COL5A1: variants seen among roughly 807,000 people sequenced by gnomAD.
COL5A1 encodes the protein collagen type V alpha 1 chain.
Under a neutral mutation model 263.7 loss-of-function variants are expected in COL5A1, and 16 were observed. The observed-to-expected ratio is 0.06, with a 90% CI of 0.04 to 0.09. The LOEUF (loss-of-function observed/expected upper bound fraction) is 0.09, where lower values mean the gene tolerates loss of function less well. Ranked by LOEUF, COL5A1 falls within the 10% of genes least tolerant of loss-of-function variation. The probability of loss-of-function intolerance (pLI) is 1.00; values close to 1 mark genes in which losing one functional copy is unlikely to be tolerated. For synonymous variants in COL5A1, 1,012 were observed against 1,004.5 expected (o/e 1.01, Z -0.14); for missense variants, 2,036 against 2,540.5 (o/e 0.80, Z 4.27).
chr9:134,644,947 A>G (rs937558120), intron 1 of COL5A1, among the ~76,000 whole-genome samples: 1 of 152,168 alleles, frequency 6.6e-6, no homozygotes, highest in African/African-American at 2.4e-5. Context: ...AGTTGGCTGG[A>G]AAGACATCCT....
At chr9:134,804,760 G>A (rs755025423) in intron 39 of COL5A1, among the ~76,000 whole-genome samples, 1 of 152,220 alleles carries the variant, frequency 6.6e-6, no homozygotes, top group Non-Finnish European at 1.5e-5. Flanking sequence ...TGATGAGAAG[G>A]CCCCGACCCT....
At chr9:134,723,667 C>T (rs572467850) in intron 4 of COL5A1, among the ~76,000 whole-genome samples, 6 of 152,310 alleles carry the variant, frequency 3.9e-5, no homozygotes, top group East Asian at 1.9e-4. Context: ...ACCGGACGGA[C>T]CCCTGAACCC....
At chr9:134,748,040 C>T (rs925123327) in intron 11 of COL5A1, among the ~76,000 whole-genome samples, 1 of 151,782 alleles carries the variant, frequency 6.6e-6, no homozygotes, top group African/African-American at 2.4e-5. Context: ...CACATGCAGA[C>T]ACATGCACAC....
intron 51 of COL5A1, 129 bp from the exon 52 acceptor site, chr9:134,815,806 G>T: frequency 7.6e-7 from 1 of 1,313,116 alleles, no homozygotes; most frequent in South Asian, 1.2e-5. Context: ...TGACCCCACT[G>T]ACCATGCTCT....
At chr9:134,833,666 CCCT>C (rs1469361438) in intron 64 of COL5A1, among the ~76,000 whole-genome samples, 1 of 152,226 alleles carries the variant, frequency 6.6e-6, no homozygotes, top group African/African-American at 2.4e-5. Context: ...ACAGCCCTGA[CCCT>C]CCCTCAGGCT....
At chr9:134,664,323 T>C (rs770181272) in intron 1 of COL5A1, among the ~76,000 whole-genome samples, 15 of 152,168 alleles carry the variant, frequency 9.9e-5, no homozygotes, top group East Asian at 1.9e-4. Context: ...TTTCCGAGTA[T>C]GACGTAAGCC....
rs7037697 is a variant in COL5A1, at chr9:134,680,576, A to G, written c.110-10336A>G. Among the ~76,000 whole-genome samples the G allele has an allele frequency of 0.017, 2,641 of 152,266 alleles. 74 individuals carry two copies. The highest frequency in any genetic ancestry group is 0.059 in the African/African-American group (2,447 of 41,542). On this transcript the variant is annotated intron_variant, in intron 1 of 65. Transcript: ENST00000371817. This position sits in a 1 kb window ranked among gnomAD's most constrained non-coding sequence, Gnocchi z 5.9. Reference sequence around the variant, plus strand: ...CCAAACTGCTGCTCTCTGCTGTACCATGTCCGGTGAGGTCCTGAAGTGCAA... The same window carrying G: ...CCAAACTGCTGCTCTCTGCTGTACCGTGTCCGGTGAGGTCCTGAAGTGCAA...
Position 134,744,455 on chromosome 9 carries a change from A to ACACT in COL5A1, c.1494+5651_1494+5654dup, listed in dbSNP as rs372496402. Among the ~76,000 whole-genome samples the ACACT allele has an allele frequency of 1.7e-3, 260 of 151,880 alleles. 1 individual carries two copies. In the Middle Eastern group the frequency reaches 0.027, roughly 16 times the overall value. On this transcript the variant is annotated intron_variant, in intron 11 of 65. Transcript: ENST00000371817. ...CGCACACACTCATGTGTACACGCAC[A>ACACT]CACTCACCTATACATACACGTATGC... is the stretch of plus-strand genomic sequence containing the variant.
At chr9:134,721,606 G>A (rs1238789633) in intron 4 of COL5A1, among the ~76,000 whole-genome samples, 1 of 152,158 alleles carries the variant, frequency 6.6e-6, no homozygotes, top group Non-Finnish European at 1.5e-5. Context: ...TGCGGGGTGG[G>A]TTACAGCCTT....
At chr9:134,702,945 C>T (rs941815564) in intron 4 of COL5A1, among the ~76,000 whole-genome samples, 2 of 152,348 alleles carry the variant, frequency 1.3e-5, no homozygotes, top group South Asian at 2.1e-4. Context: ...TAGGAAGCCC[C>T]GGCTTAATGT....
intron 4 of COL5A1, among the ~76,000 whole-genome samples, chr9:134,724,975 C>T (rs529885203): frequency 6.6e-5 from 10 of 152,256 alleles, no homozygotes; most frequent in Admixed American, 4.6e-4. Flanking sequence ...CCCTGCAGCC[C>T]GCTGGCTACT....
At chr9:134,759,045 C>G (rs557179228) in intron 18 of COL5A1, among the ~76,000 whole-genome samples, 32 of 152,244 alleles carry the variant, frequency 2.1e-4, no homozygotes, top group African/African-American at 7.5e-4. Flanking sequence ...GCCGCCTGCC[C>G]TGCTTTCTCA....
At chr9:134,738,830 C>G (rs1233676818) in intron 11 of COL5A1, 22 bp downstream of exon 11, 1 of 1,605,730 alleles carries the variant, frequency 6.2e-7, no homozygotes, top group Non-Finnish European at 8.5e-7. Context: ...ACTGTGTTTC[C>G]TGAGATCACA....
At chr9:134,790,860 C>T (rs1459073025) in intron 32 of COL5A1, among the ~76,000 whole-genome samples, 2 of 151,998 alleles carry the variant, frequency 1.3e-5, no homozygotes, top group Non-Finnish European at 2.9e-5. Context: ...GGACCTTTCA[C>T]ACTGCACTGC....
intron 63 of COL5A1, among the ~76,000 whole-genome samples, chr9:134,827,947 C>T (rs1340593733): frequency 6.6e-6 from 1 of 152,204 alleles, no homozygotes; most frequent in Non-Finnish European, 1.5e-5. Flanking sequence ...GATGGGACAC[C>T]CCTTTCCTCC....
intron 27 of COL5A1, among the ~76,000 whole-genome samples, chr9:134,776,946 C>T (rs1256118613): frequency 1.3e-5 from 2 of 152,220 alleles, no homozygotes; most frequent in East Asian, 1.9e-4. Flanking sequence ...ATCCTAATCA[C>T]AGGGGCTCCA....
At chr9:134,749,004 C>T (rs536903384) in intron 11 of COL5A1, among the ~76,000 whole-genome samples, 15 of 152,292 alleles carry the variant, frequency 9.8e-5, no homozygotes, top group South Asian at 2.1e-4. Context: ...TTTCGGAGCC[C>T]GAGGCGGGTG....
intron 32 of COL5A1, among the ~76,000 whole-genome samples, chr9:134,793,546 T>G (rs1375295464): frequency 6.6e-6 from 1 of 151,984 alleles, no homozygotes; most frequent in African/African-American, 2.4e-5. Context: ...CCAGCGCCTG[T>G]GCCTCGGGCA....
Position 134,810,279 on chromosome 9 carries a change from A to C in COL5A1, c.3499A>C (p.Lys1167Gln). ...GGGAGAGATCGGGGAGCCGGGGCAG[A>C]AAGGAAGCAAGGGGGACAAAGGAGA... ...DKGEIGEPGQKGSKGDKGEQG... is the reference protein window; with the variant it reads ...DKGEIGEPGQQGSKGDKGEQG... Residue 1167 changes from lysine to glutamine, a missense_variant, in exon 44 of 66, where the codon AAA becomes CAA. Lys to Gln is a moderately conservative substitution (Grantham distance 53, BLOSUM62 1). Transcript: ENST00000371817. The C allele has an allele frequency of 6.2e-7, 1 of 1,614,214 alleles. No homozygotes were observed.
Sources: allele counts gnomAD v4.1 joint callset (sites outside exome capture counted in the v4.1 genomes callset), GRCh38; gene constraint gnomAD v4.1.1; non-coding constraint Gnocchi (gnomAD v3.1); transcripts MANE v1.5; gene names NCBI Gene and HGNC (gene_info 2026-07-23, HGNC 2026-07-21).